Variants in CDC14A observed in about 807,000 individuals in gnomAD.
CDC14A encodes the protein cell division cycle 14A.
In CDC14A, 53 loss-of-function variants were observed where a neutral mutation model predicts 74.4. The ratio of observed to expected loss-of-function variants is 0.71; its 90% CI spans 0.57 to 0.89. The LOEUF (loss-of-function observed/expected upper bound fraction) is 0.89, where lower values mean the gene tolerates loss of function less well. Ranked by LOEUF, CDC14A falls within the 40% of genes least tolerant of loss-of-function variation. The probability of loss-of-function intolerance (pLI) is 0.00; values close to 1 mark genes in which losing one functional copy is unlikely to be tolerated. For synonymous variants in CDC14A, 247 were observed against 258.4 expected (o/e 0.96, Z 0.43); for missense variants, 646 against 713.7 (o/e 0.91, Z 1.08).
chr1:100,405,231 C>A (rs6665901), intron 4 of CDC14A, among the ~76,000 whole-genome samples: 13,476 of 152,200 alleles, frequency 0.089, 2,068 homozygotes, highest in African/African-American at 0.31. Context: ...TGACTTAGAA[C>A]ATGGCTCATT....
chr1:100,374,280 C>A (rs1654916804), intron 2 of CDC14A, among the ~76,000 whole-genome samples: 1 of 152,072 alleles, frequency 6.6e-6, no homozygotes, highest in South Asian at 2.1e-4. Flanking sequence ...GTGCATGTGT[C>A]TTTATAGCAG....
chr1:100,436,777 A>G (rs1333618584), intron 5 of CDC14A, among the ~76,000 whole-genome samples: 1 of 152,058 alleles, frequency 6.6e-6, no homozygotes, highest in African/African-American at 2.4e-5. Context: ...TTGGTCTTCT[A>G]ACTTATTTAC....
intron 1 of CDC14A, among the ~76,000 whole-genome samples, chr1:100,346,462 T>C (rs1232900840): frequency 2.0e-5 from 3 of 152,022 alleles, no homozygotes; most frequent in African/African-American, 7.2e-5. Flanking sequence ...TGGGACCCTG[T>C]CTCTACAAAA....
At chr1:100,380,676 C>G (rs1356684800) in intron 3 of CDC14A, among the ~76,000 whole-genome samples, 2 of 152,228 alleles carry the variant, frequency 1.3e-5, no homozygotes, top group African/African-American at 2.4e-5. Flanking sequence ...TGGTCACTTA[C>G]TTCAGTAAGG....
chr1:100,412,757 ATATATATATAT>A (rs1394255263), intron 4 of CDC14A, among the ~76,000 whole-genome samples: 9 of 94,984 alleles, frequency 9.5e-5, no homozygotes, highest in South Asian at 5.5e-4. Flanking sequence ...TATATATTTT[ATATATATATAT>A]TATATATATA....
intron 2 of CDC14A, among the ~76,000 whole-genome samples, chr1:100,366,504 A>G (rs1358728689): frequency 1.3e-5 from 2 of 152,222 alleles, no homozygotes; most frequent in East Asian, 1.9e-4. Context: ...CATAAACTTC[A>G]TAAATCTGTG....
chr1:100,411,572 C>G (rs1660722425), intron 4 of CDC14A, among the ~76,000 whole-genome samples: 2 of 152,182 alleles, frequency 1.3e-5, no homozygotes, highest in East Asian at 3.9e-4. Context: ...AATGAATTTC[C>G]TGGAAGTTTA....
At chr1:100,486,144 G>A (rs1288883097) in intron 11 of CDC14A, 1 of 152,168 alleles carries the variant, frequency 6.6e-6, no homozygotes, top group Admixed American at 6.5e-5. Context: ...AGTAAATAGG[G>A]CTTTGAGTTA....
chr1:100,502,121 A>G (rs1648799128), intron 15 of CDC14A, among the ~76,000 whole-genome samples: 1 of 152,214 alleles, frequency 6.6e-6, no homozygotes, highest in Admixed American at 6.5e-5. Flanking sequence ...TTGATTATTC[A>G]TGAAAGAAAA....
chr1:100,452,719 A>G (rs959525477), intron 7 of CDC14A, among the ~76,000 whole-genome samples: 16 of 152,138 alleles, frequency 1.1e-4, no homozygotes, highest in African/African-American at 3.6e-4. Context: ...AAGAACATCT[A>G]TAGTTTTTTT....
chr1:100,477,090 C>G (rs893189353), intron 10 of CDC14A, among the ~76,000 whole-genome samples: 1 of 152,152 alleles, frequency 6.6e-6, no homozygotes, highest in Non-Finnish European at 1.5e-5. Flanking sequence ...AACAAATTAT[C>G]TCCTCAAAGC....
At chr1:100,353,712 A>G (rs772809249) in intron 1 of CDC14A, 50 bp from the exon 2 acceptor site, 7 of 948,200 alleles carry the variant, frequency 7.4e-6, no homozygotes, top group South Asian at 1.4e-5. Flanking sequence ...CTTCACTTCC[A>G]CTTCTCTACT....
chr1:100,440,000 T>G lies in CDC14A; in HGVS notation c.456+2T>G, dbSNP rs1664750715. ...GACTGTTTGCAGGGAATCAGAAAGGTAATAACAATTCTCCTTGCTGTAGTT... is the reference window on the plus strand; with the variant it reads ...GACTGTTTGCAGGGAATCAGAAAGGGAATAACAATTCTCCTTGCTGTAGTT... On this transcript the variant is annotated splice_donor_variant, in intron 6 of 15. Transcript: ENST00000336454. LOFTEE classifies it high-confidence loss of function. The G allele has an allele frequency of 1.9e-6, 3 of 1,607,382 alleles. No homozygotes were observed. Among genetic ancestry groups the G allele is most frequent in the Non-Finnish European group, 2.6e-6 (3 of 1,174,088 alleles).
In CDC14A at chr1:100,399,572, A is replaced by AT. The variant is rs573544480; in HGVS notation, c.309+8755dup. Among the ~76,000 whole-genome samples the AT allele has an allele frequency of 3.4e-3, 524 of 152,190 alleles. 5 individuals are homozygous for AT. The highest frequency in any genetic ancestry group is 0.014 in the Middle Eastern group (4 of 294). On this transcript the variant is annotated intron_variant, in intron 4 of 15. Coordinates refer to ENST00000336454, the MANE Select transcript of CDC14A (RefSeq NM_003672.4). The stretch of plus-strand genomic sequence containing the variant: ...ATGCTACCTCATTGTTTTAGTAATC[A>AT]TTTTTTTGATTAATGAGGTTGATTA...
intron 4 of CDC14A, among the ~76,000 whole-genome samples, chr1:100,417,774 A>G (rs1195045943): frequency 6.6e-6 from 1 of 152,186 alleles, no homozygotes; most frequent in Non-Finnish European, 1.5e-5. Flanking sequence ...TTAAAATCTC[A>G]TTCACCAATT....
rs548727185 is a variant in CDC14A at position 100,401,995 on chromosome 1, G to T, written c.309+11171G>T. Among the ~76,000 whole-genome samples the T allele has an allele frequency of 1.8e-4, 27 of 151,684 alleles. No homozygotes were observed. In the East Asian group the frequency reaches 2.5e-3, roughly 14 times the overall value. On this transcript the variant is annotated intron_variant, in intron 4 of 15. Transcript: ENST00000336454. ...GGAGGTTGTGGTGAGCCGAGATCGC[G>T]CCATTGCACTCCAGCCTGGGCAACA...
At chr1:100,410,337 T>C (rs1660516282) in intron 4 of CDC14A, among the ~76,000 whole-genome samples, 2 of 152,224 alleles carry the variant, frequency 1.3e-5, no homozygotes, top group African/African-American at 2.4e-5. Context: ...TCATTTTTTT[T>C]CCAAGACGGA....
chr1:100,426,514 A>G (rs1662980317), intron 5 of CDC14A, among the ~76,000 whole-genome samples: 1 of 152,214 alleles, frequency 6.6e-6, no homozygotes, highest in Non-Finnish European at 1.5e-5. Flanking sequence ...CATAAATACT[A>G]AATTTATAGC....
In CDC14A at chr1:100,518,858, T is replaced by C. The variant is rs1650444996; in HGVS notation, c.*578T>C. On this transcript the variant is annotated 3_prime_UTR_variant, in exon 16 of 16. Coordinates refer to ENST00000336454, the MANE Select transcript of CDC14A (RefSeq NM_003672.4). ...TCGCACTATAAATATGGCAGGTCAG[T>C]TCATTCTTTTGGGAAGTCAGTTTAG... The C allele has an allele frequency of 6.6e-6, 1 of 152,584 alleles. No homozygotes were observed. The highest frequency in any genetic ancestry group is 1.5e-5 in the Non-Finnish European group (1 of 68,074). 9.5% of individuals were successfully genotyped at this position (152,584 alleles called of 1,614,324 possible).
Sources: gnomAD v4.1 joint callset for allele counts (sites outside exome capture counted in the v4.1 genomes callset) on GRCh38, gnomAD v4.1.1 for gene constraint, MANE v1.5 for transcripts, NCBI Gene and HGNC (gene_info 2026-07-23, HGNC 2026-07-21) for gene names.